The following TSHZ2 variants were observed in gnomAD, a reference collection of about 807,000 sequenced individuals.
TSHZ2 encodes the protein teashirt zinc finger homeobox 2, also known as teashirt homolog 2.
Under a neutral mutation model 74.4 loss-of-function variants are expected in TSHZ2, and 21 were observed. That is an observed-to-expected ratio of 0.28 (90% CI 0.20 to 0.41). The LOEUF (loss-of-function observed/expected upper bound fraction) is 0.41, where lower values mean the gene tolerates loss of function less well. Ranked by LOEUF, TSHZ2 falls within the 10% of genes least tolerant of loss-of-function variation. The pLI is 1.00. For missense variants in TSHZ2, 1,244 were observed against 1,293.5 expected, an observed-to-expected ratio of 0.96 and a Z score of 0.59; for synonymous variants, 540 against 515.3, an observed-to-expected ratio of 1.05 and a Z score of -0.65.
At chr20:53,398,176 C>G (rs183792285) in intron 2 of TSHZ2, 1 of 152,214 alleles carries the variant, frequency 6.6e-6, no homozygotes, top group Non-Finnish European at 1.5e-5. Flanking sequence ...GCAACCACCT[C>G]AGCACATCCA....
chr20:53,225,323 T>G (rs1016477278), intron 1 of TSHZ2, among the ~76,000 whole-genome samples: 1 of 152,240 alleles, frequency 6.6e-6, no homozygotes, highest in Non-Finnish European at 1.5e-5. Flanking sequence ...AAAATATGCC[T>G]GCTAATTGTG....
At chr20:53,158,679 C>T (rs993558145) in intron 1 of TSHZ2, among the ~76,000 whole-genome samples, 5 of 152,168 alleles carry the variant, frequency 3.3e-5, no homozygotes, top group African/African-American at 1.2e-4. Context: ...GTCAGAGTGT[C>T]GGGCCCTGGA....
At chr20:53,429,070 G>A (rs981632786) in intron 2 of TSHZ2, among the ~76,000 whole-genome samples, 1 of 152,082 alleles carries the variant, frequency 6.6e-6, no homozygotes, top group Non-Finnish European at 1.5e-5. Context: ...CCCAAAGATA[G>A]GTTTTGTTTC....
chr20:53,406,616 C>A (rs1982862958), intron 2 of TSHZ2, among the ~76,000 whole-genome samples: 1 of 152,152 alleles, frequency 6.6e-6, no homozygotes, highest in Non-Finnish European at 1.5e-5. Context: ...CTGACCATTT[C>A]TTGAACAAAT....
intron 1 of TSHZ2, among the ~76,000 whole-genome samples, chr20:53,082,019 A>C (rs1753135087): frequency 6.6e-6 from 1 of 151,810 alleles, no homozygotes; most frequent in Non-Finnish European, 1.5e-5. Context: ...TGAATAACTT[A>C]CCCAAGGTCA....
chr20:52,985,036 G>T (rs1981702786), intron 1 of TSHZ2, among the ~76,000 whole-genome samples: 1 of 152,210 alleles, frequency 6.6e-6, no homozygotes, highest in African/African-American at 2.4e-5. Flanking sequence ...GTTGGGAGCT[G>T]CCTACATTCT....
intron 1 of TSHZ2, among the ~76,000 whole-genome samples, chr20:53,145,614 C>T (rs1169785205): frequency 2.0e-5 from 3 of 152,168 alleles, no homozygotes; most frequent in Non-Finnish European, 4.4e-5. Context: ...GAACACACAC[C>T]TCAGAGTTAT....
At chr20:53,022,813 T>C (rs1004121136) in intron 1 of TSHZ2, among the ~76,000 whole-genome samples, 2 of 152,230 alleles carry the variant, frequency 1.3e-5, no homozygotes, top group Non-Finnish European at 2.9e-5. Flanking sequence ...AGGAGTTCCT[T>C]TGTGTGAACC....
At chr20:53,433,588 C>CACAG (rs1294662673) in intron 2 of TSHZ2, among the ~76,000 whole-genome samples, 14 of 128,326 alleles carry the variant, frequency 1.1e-4, no homozygotes, top group East Asian at 2.8e-4. Flanking sequence ...CACACAGACA[C>CACAG]ACACACACAC....
chr20:53,211,509 T>TA (rs5841934), intron 1 of TSHZ2, among the ~76,000 whole-genome samples: 1,752 of 140,982 alleles, frequency 0.012, 23 homozygotes, highest in African/African-American at 0.037. Context: ...TTGCCTGAAA[T>TA]AAAAAAAAAA....
chr20:53,223,567 A>T (rs73272835), intron 1 of TSHZ2, among the ~76,000 whole-genome samples: 2,351 of 152,044 alleles, frequency 0.015, 58 homozygotes, highest in African/African-American at 0.055. Flanking sequence ...ATTTTTTAAA[A>T]TTTCTTTTTG....
intron 1 of TSHZ2, among the ~76,000 whole-genome samples, chr20:53,214,694 G>C (rs538836636): frequency 6.6e-6 from 1 of 152,080 alleles, no homozygotes; most frequent in African/African-American, 2.4e-5. Context: ...CTCCAACCTG[G>C]GTGACAGAGC....
Position 53,253,775 on chromosome 20 carries a change from A to G in TSHZ2, c.317A>G (p.Lys106Arg). Residue 106 changes from lysine to arginine, a missense_variant, in exon 2 of 3, where the codon AAG (lysine) becomes AGG (arginine). Physicochemically the swap from Lys to Arg is conservative, Grantham distance 26 (BLOSUM62 2). This residue lies in a region of TSHZ2 where 470 missense variants were observed against 456.5 expected (regional missense o/e 1.03). Coordinates refer to ENST00000371497, the MANE Select transcript of TSHZ2 (RefSeq NM_173485.6). ...KSVCGRDASD[K>R]KAHTHVRLPN... is the part of the protein sequence containing the mutation. ...GTCTGCGGCAGAGATGCCTCAGACAAGAAAGCACACACTCACGTCAGGCTT... is the reference window on the plus strand; with the variant it reads ...GTCTGCGGCAGAGATGCCTCAGACAGGAAAGCACACACTCACGTCAGGCTT... 1 of 1,614,202 alleles carries G rather than the reference A, an allele frequency of 6.2e-7. No homozygotes were observed. Among genetic ancestry groups the G allele is most frequent in the Non-Finnish European group, 8.5e-7 (1 of 1,180,022 alleles).
At chr20:53,452,725 A>G (rs182896654) in intron 2 of TSHZ2, among the ~76,000 whole-genome samples, 2 of 152,320 alleles carry the variant, frequency 1.3e-5, no homozygotes, top group Admixed American at 1.3e-4. Flanking sequence ...AAGATAGCAT[A>G]GTATAAAACA....
At chr20:53,241,359 G>A (rs1474092241) in intron 1 of TSHZ2, among the ~76,000 whole-genome samples, 1 of 152,110 alleles carries the variant, frequency 6.6e-6, no homozygotes, top group Non-Finnish European at 1.5e-5. Context: ...TCATTTAAAA[G>A]CTAACCTAGT....
At chr20:53,168,683 A>C (rs1988118921) in intron 1 of TSHZ2, 2 of 152,138 alleles carry the variant, frequency 1.3e-5, no homozygotes, top group Non-Finnish European at 2.9e-5. Flanking sequence ...CACATGTACA[A>C]AGTTGATCTC....
chr20:53,166,922 A>G (rs1007415934), intron 1 of TSHZ2, among the ~76,000 whole-genome samples: 1 of 152,202 alleles, frequency 6.6e-6, no homozygotes, highest in African/African-American at 2.4e-5. Context: ...GTATTATATT[A>G]AAAAAACCTG....
chr20:53,073,806 TG>T (rs1985281378), intron 1 of TSHZ2, among the ~76,000 whole-genome samples: 1 of 152,200 alleles, frequency 6.6e-6, no homozygotes, highest in African/African-American at 2.4e-5. Flanking sequence ...GGTTGATTGA[TG>T]TACATTTTTA....
intron 1 of TSHZ2, among the ~76,000 whole-genome samples, chr20:53,150,140 A>G (rs1445551182): frequency 6.6e-6 from 1 of 152,230 alleles, no homozygotes; most frequent in Non-Finnish European, 1.5e-5. Flanking sequence ...GGATGGTGTC[A>G]TTGAAGCACA....
Sources: allele counts gnomAD v4.1 joint callset (sites outside exome capture counted in the v4.1 genomes callset), GRCh38; gene constraint gnomAD v4.1.1; regional missense constraint gnomAD v4.1.1; transcripts MANE v1.5; gene names NCBI Gene and HGNC (gene_info 2026-07-23, HGNC 2026-07-21).